Variants in FPR2 observed in about 807,000 individuals in gnomAD.
The protein encoded by FPR2 is formyl peptide receptor 2.
In FPR2, 3 loss-of-function variants were observed where a neutral mutation model predicts 4.0. That is an observed-to-expected ratio of 0.74 (90% CI 0.34 to 1.92). The LOEUF is 1.92. Among genes scored for constraint, FPR2 ranks in the 30% most tolerant of loss-of-function variants. The probability of loss-of-function intolerance (pLI) is 0.07; values close to 1 mark genes in which losing one functional copy is unlikely to be tolerated. For synonymous variants in FPR2, 179 were observed against 171.5 expected (o/e 1.04, Z -0.34); for missense variants, 372 against 435.7 (o/e 0.85, Z 1.30).
In FPR2 at chr19:51,764,225, A is replaced by G. The variant is rs149769168; in HGVS notation, c.-15+2995A>G. On this transcript the variant is annotated intron_variant, in intron 1 of 1. Transcript: ENST00000340023. Reference sequence around the variant, plus strand: ...GAAGATGAGAGGGCATCCTGGGCCAATGCAGGGAGGGAAATTATTGGAAAG... The same window carrying G: ...GAAGATGAGAGGGCATCCTGGGCCAGTGCAGGGAGGGAAATTATTGGAAAG... Among the ~76,000 whole-genome samples, 469 of 152,330 alleles carry G rather than the reference A, an allele frequency of 3.1e-3. 2 individuals are homozygous for G. The highest frequency in any genetic ancestry group is 0.01 in the African/African-American group (430 of 41,562).
chr19:51,764,713 T>C lies in FPR2; in HGVS notation c.-15+3483T>C, dbSNP rs1306337153. On this transcript the variant is annotated intron_variant, in intron 1 of 1. Transcript: ENST00000340023. ...TCATAATCAGTACAGGTATCATCTG[T>C]GGTTCGCAGTTCTCCTCCTTACATT... Among the ~76,000 whole-genome samples, 3 of 152,240 alleles carry C rather than the reference T, an allele frequency of 2.0e-5. No homozygotes were observed. The East Asian group carries it at 5.8e-4, about 29-fold the overall frequency.
chr19:51,767,259 A>G (rs186951939), intron 1 of FPR2, among the ~76,000 whole-genome samples: 36 of 152,330 alleles, frequency 2.4e-4, no homozygotes, highest in African/African-American at 7.9e-4. Flanking sequence ...GATAAAGTCC[A>G]CAGACCACGG....
chr19:51,761,361 T>G (rs2083837370), intron 1 of FPR2, 131 bp downstream of exon 1: 1 of 152,254 alleles, frequency 6.6e-6, no homozygotes, highest in Non-Finnish European at 1.5e-5. Context: ...TGCCTATGTT[T>G]CTATCTTGAT....
chr19:51,769,418 TG>T lies in FPR2; in HGVS notation c.762del (p.Trp254CysfsTer60). The T allele has an allele frequency of 6.2e-7, 1 of 1,614,220 alleles. No homozygotes were observed. Among genetic ancestry groups the T allele is most frequent in the African/African-American group, 1.3e-5 (1 of 75,064 alleles). On this transcript the variant is annotated frameshift_variant, in exon 2 of 2. Transcript: ENST00000340023. LOFTEE classifies it low-confidence loss of function (END_TRUNC). This position sits in a 1 kb window ranked among gnomAD's most constrained non-coding sequence, Gnocchi z 4.4. ...TAVVASFFIC[W>X]FPFQLVALLG... Reference sequence around the variant, plus strand: ...TGTGGTGGCTTCTTTCTTCATCTGTTGGTTTCCCTTTCAACTGGTTGCCCTT... The same window carrying T: ...TGTGGTGGCTTCTTTCTTCATCTGTTGTTTCCCTTTCAACTGGTTGCCCTT...
chr19:51,766,903 C>G (rs1288589823), intron 1 of FPR2, among the ~76,000 whole-genome samples: 2 of 152,166 alleles, frequency 1.3e-5, no homozygotes, highest in Non-Finnish European at 2.9e-5. Flanking sequence ...CATACAGATT[C>G]TAGAATGAGA....
chr19:51,765,815 C>T (rs1192944337), intron 1 of FPR2, among the ~76,000 whole-genome samples: 1 of 152,180 alleles, frequency 6.6e-6, no homozygotes, highest in East Asian at 1.9e-4. Flanking sequence ...AAATTGTCCT[C>T]GTTCTGCAGA....
chr19:51,766,091 T>C (rs1326346304), intron 1 of FPR2, among the ~76,000 whole-genome samples: 1 of 152,184 alleles, frequency 6.6e-6, no homozygotes, highest in Non-Finnish European at 1.5e-5. Context: ...GGCTAATTTT[T>C]TGTATTTTCG....
intron 1 of FPR2, among the ~76,000 whole-genome samples, chr19:51,764,385 A>G (rs1048612667): frequency 6.6e-6 from 1 of 152,204 alleles, no homozygotes; most frequent in Non-Finnish European, 1.5e-5. Flanking sequence ...GAGAGTGGGA[A>G]AAACAGAGTA....
chr19:51,768,679 TC>T lies in FPR2; in HGVS notation c.23del (p.Pro8LeufsTer2), dbSNP rs754649596. 6.2e-7 allele frequency: 1 copy of T among 1,604,570 alleles called. No individual in the cohort carries two copies. Among genetic ancestry groups the T allele is most frequent in the South Asian group, 1.1e-5 (1 of 90,568 alleles). On this transcript the variant is annotated frameshift_variant, in exon 2 of 2. Transcript: ENST00000340023. LOFTEE classifies it low-confidence loss of function (END_TRUNC). METNFST[P>X]LNEYEEVSYE... ...GCAAGATGGAAACCAACTTCTCCAC[TC>T]CTCTGAATGAATATGAAGAAGTGTC...
intron 1 of FPR2, among the ~76,000 whole-genome samples, chr19:51,768,024 A>C (rs919035938): frequency 6.6e-6 from 1 of 152,122 alleles, no homozygotes; most frequent in Non-Finnish European, 1.5e-5. Context: ...GAAAGCAGAG[A>C]TGGAACTCTC....
chr19:51,768,825 C>T lies in FPR2; in HGVS notation c.167C>T (p.Thr56Ile), dbSNP rs368955062. The T allele has an allele frequency of 4.3e-6, 7 of 1,614,050 alleles. No individual in the cohort carries two copies. In the African/African-American group the frequency reaches 6.7e-5, roughly 15 times the overall value. Residue 56 changes from threonine to isoleucine, a missense_variant, in exon 2 of 2, where the codon ACA (threonine) becomes ATA (isoleucine). Coordinates refer to ENST00000340023, the MANE Select transcript of FPR2 (RefSeq NM_001005738.2). ...ATCTGGGTGGCTGGATTCCGGATGA[C>T]ACGCACAGTCACCACCATCTGTTAC... Reference protein sequence around the residue: ...LVIWVAGFRMTRTVTTICYLN... With the variant: ...LVIWVAGFRMIRTVTTICYLN...
At chr19:51,764,579 C>G (rs1599816005) in intron 1 of FPR2, among the ~76,000 whole-genome samples, 2 of 152,088 alleles carry the variant, frequency 1.3e-5, no homozygotes, top group Non-Finnish European at 2.9e-5. Flanking sequence ...CCGTACTTTC[C>G]TACCTGTTAC....
In FPR2 at chr19:51,768,667, C is replaced by T. The variant is rs770317535; in HGVS notation, c.9C>T (p.Thr3=). 1.9e-6 allele frequency: 3 copies of T among 1,598,052 alleles called. No individual in the cohort carries two copies. The highest frequency in any genetic ancestry group is 2.6e-6 in the Non-Finnish European group (3 of 1,170,210). The change falls in exon 2 of 2, where the codon ACC becomes ACT. Residue 3 remains threonine, a synonymous_variant. Coordinates refer to ENST00000340023, the MANE Select transcript of FPR2 (RefSeq NM_001005738.2). ME[T]NFSTPLNEYE... ...CAGGTGCTGCTGGCAAGATGGAAAC[C>T]AACTTCTCCACTCCTCTGAATGAAT...
intron 1 of FPR2, chr19:51,768,327 G>A (rs973236257): frequency 3.0e-5 from 7 of 231,708 alleles, no homozygotes; most frequent in Non-Finnish European, 6.0e-5. Flanking sequence ...TCCTCACAAT[G>A]CTGAGGCTGC....
chr19:51,763,408 G>A (rs2083851754), intron 1 of FPR2: 1 of 152,200 alleles, frequency 6.6e-6, no homozygotes, highest in Non-Finnish European at 1.5e-5. Flanking sequence ...GGGAAGAAGA[G>A]ATCCAATGGA....
At chr19:51,764,883 G>C (rs570972184) in intron 1 of FPR2, among the ~76,000 whole-genome samples, 1 of 151,906 alleles carries the variant, frequency 6.6e-6, no homozygotes, top group Admixed American at 6.5e-5. Context: ...CTGGAGTGCT[G>C]TGGCACGATC....
At position 51,768,761 on chromosome 19, in the gene FPR2, G is replaced by T. The variant is rs1432999759; in HGVS notation, c.103G>T (p.Val35Phe). Residue 35 changes from valine to phenylalanine, a missense_variant, in exon 2 of 2, where the codon GTC becomes TTC. Physicochemically the swap from Val to Phe is conservative, Grantham distance 50. Transcript: ENST00000340023. ...LRILPLVVLG[V>F]TFVLGVLGNG... ...GATCCTCCCATTGGTGGTGCTTGGGGTCACCTTTGTCCTCGGGGTCCTGGG... is the reference window on the plus strand; with the variant it reads ...GATCCTCCCATTGGTGGTGCTTGGGTTCACCTTTGTCCTCGGGGTCCTGGG... 1.9e-6 allele frequency: 3 copies of T among 1,614,034 alleles called. No individual in the cohort carries two copies. Among genetic ancestry groups the T allele is most frequent in the South Asian group, 1.1e-5 (1 of 91,080 alleles).
At chr19:51,766,791 C>A (rs1324073159) in intron 1 of FPR2, among the ~76,000 whole-genome samples, 1 of 152,136 alleles carries the variant, frequency 6.6e-6, no homozygotes, top group Non-Finnish European at 1.5e-5. Flanking sequence ...TAGATGTGAA[C>A]AAGTGCTATG....
At chr19:51,762,187 G>A (rs2083842024) in intron 1 of FPR2, among the ~76,000 whole-genome samples, 1 of 150,310 alleles carries the variant, frequency 6.7e-6, no homozygotes, top group Non-Finnish European at 1.5e-5. Flanking sequence ...TCAGGGTCAA[G>A]CGATTCTCCT....
Sources: allele counts gnomAD v4.1 joint callset (sites outside exome capture counted in the v4.1 genomes callset), GRCh38; gene constraint gnomAD v4.1.1; non-coding constraint Gnocchi (gnomAD v3.1); transcripts MANE v1.5; gene names NCBI Gene and HGNC (gene_info 2026-07-23, HGNC 2026-07-21).